The following PIK3C2G variants were observed in gnomAD, a reference collection of about 807,000 sequenced individuals.
The protein encoded by PIK3C2G is phosphatidylinositol 3-kinase C2 domain-containing subunit gamma.
A neutral mutation model predicts 181.1 loss-of-function variants in PIK3C2G; 168 were observed. That is an observed-to-expected ratio of 0.93 (90% CI 0.82 to 1.05). The LOEUF (loss-of-function observed/expected upper bound fraction) is 1.05. Ranked by LOEUF, PIK3C2G falls within the 50% of genes least tolerant of loss-of-function variation. The probability of loss-of-function intolerance (pLI) is 0.00; values close to 1 mark genes in which losing one functional copy is unlikely to be tolerated. For missense variants in PIK3C2G, 1,869 were observed against 1,732.8 expected (o/e 1.08, Z -1.40); for synonymous variants, 573 against 592.2 (o/e 0.97, Z 0.47).
chr12:18,605,378 T>C (rs763807635), intron 30 of PIK3C2G, among the ~76,000 whole-genome samples: 22 of 152,062 alleles, frequency 1.4e-4, no homozygotes, highest in Admixed American at 6.6e-5. Context: ...AGCAGTGAGA[T>C]TAAAATGGTA....
intron 8 of PIK3C2G, among the ~76,000 whole-genome samples, chr12:18,332,992 C>G (rs1299515063): frequency 6.6e-6 from 1 of 152,088 alleles, no homozygotes; most frequent in Non-Finnish European, 1.5e-5. Context: ...CCTGATATTC[C>G]AAACTGACAT....
intron 31 of PIK3C2G, among the ~76,000 whole-genome samples, chr12:18,629,140 C>T (rs1949233459): frequency 6.6e-6 from 1 of 152,178 alleles, no homozygotes; most frequent in Non-Finnish European, 1.5e-5. Context: ...CCATGGGTCA[C>T]CATACGATGC....
intron 16 of PIK3C2G, among the ~76,000 whole-genome samples, chr12:18,405,171 A>T (rs1170912725): frequency 6.6e-6 from 1 of 152,190 alleles, no homozygotes. Context: ...TCACATTTTT[A>T]AAAACCCATG....
Position 18,563,492 on chromosome 12 carries a change from T to TC in PIK3C2G, c.3899dup (p.Glu1301ArgfsTer34). 6.2e-7 allele frequency: 1 copy of TC among 1,613,754 alleles called. No individual in the cohort carries two copies. Among genetic ancestry groups the TC allele is most frequent in the Non-Finnish European group, 8.5e-7 (1 of 1,179,772 alleles). On this transcript the variant is annotated frameshift_variant, in exon 28 of 33. Transcript: ENST00000538779. LOFTEE classifies it high-confidence loss of function. ...CAGAAGCAGTTTGCATCACTGACTC[T>TC]CCCAGAGTAAGGCACTGTCCTTTTA...
chr12:18,681,803 T>C, the PIK3C2G span, among the ~76,000 whole-genome samples: 228 of 152,180 alleles, frequency 1.5e-3, 1 homozygote, highest in African/African-American at 5.3e-3. Flanking sequence ...ATCCTTTTTC[T>C]CTCTCATTTC....
At chr12:18,705,197 T>A in the PIK3C2G span, 1 of 1,614,070 alleles carries the variant, frequency 6.2e-7, no homozygotes, top group Non-Finnish European at 8.5e-7. Context: ...AGGAAAATCA[T>A]CAAGCATATC....
intron 18 of PIK3C2G, among the ~76,000 whole-genome samples, chr12:18,468,775 T>C (rs1488818365): frequency 6.6e-6 from 1 of 152,112 alleles, no homozygotes; most frequent in Non-Finnish European, 1.5e-5. Context: ...ATAATGACTG[T>C]AAGTGCCTCT....
chr12:18,302,108 A>T (rs541021945), intron 5 of PIK3C2G, among the ~76,000 whole-genome samples: 3 of 152,170 alleles, frequency 2.0e-5, no homozygotes, highest in Admixed American at 2.0e-4. Context: ...TGGTGGACCA[A>T]CCATGGCTGT....
At chr12:18,333,336 G>A (rs148064688) in intron 8 of PIK3C2G, among the ~76,000 whole-genome samples, 81 of 152,104 alleles carry the variant, frequency 5.3e-4, no homozygotes, top group African/African-American at 1.9e-3. Context: ...TGTGCAGAAC[G>A]TGCAGGTTTG....
Position 18,282,711 on chromosome 12 carries a change from C to T in PIK3C2G, c.630C>T (p.Gly210=). 1 of 1,612,498 alleles carries T rather than the reference C, an allele frequency of 6.2e-7. No homozygotes were observed. Among genetic ancestry groups the T allele is most frequent in the African/African-American group, 1.3e-5 (1 of 74,962 alleles). ...IVEPSLMLLK[G]SLQPGMWEST... ...AACCATCTTTGATGCTTTTGAAAGG[C>T]TCTCTTCAACCCGGAATGTGGGAAA... The change falls in exon 2 of 33, where the codon GGC becomes GGT. Residue 210 remains glycine, a synonymous_variant. Transcript: ENST00000538779.
chr12:18,612,310 C>T (rs1379557879), intron 31 of PIK3C2G, among the ~76,000 whole-genome samples: 1 of 152,100 alleles, frequency 6.6e-6, no homozygotes, highest in African/African-American at 2.4e-5. Context: ...CAGTAAAGTC[C>T]TATCTGACTC....
intron 16 of PIK3C2G, among the ~76,000 whole-genome samples, chr12:18,419,934 T>G (rs1335307333): frequency 6.6e-6 from 1 of 152,134 alleles, no homozygotes. Flanking sequence ...TTAAAGACTT[T>G]ACAGTTTTCT....
chr12:18,354,861 G>C (rs1355049014), intron 11 of PIK3C2G, among the ~76,000 whole-genome samples: 1 of 152,156 alleles, frequency 6.6e-6, no homozygotes, highest in African/African-American at 2.4e-5. Context: ...TGTGAGGGAG[G>C]GGAAGCAGGC....
chr12:18,470,451 G>A (rs78314808), intron 18 of PIK3C2G, among the ~76,000 whole-genome samples: 22,509 of 152,056 alleles, frequency 0.15, 1,930 homozygotes, highest in African/African-American at 0.22. Flanking sequence ...AGCCCCATGC[G>A]GTTAGGGCTT....
chr12:18,501,127 C>T (rs535064319), intron 22 of PIK3C2G, among the ~76,000 whole-genome samples: 1 of 152,310 alleles, frequency 6.6e-6, no homozygotes, highest in East Asian at 1.9e-4. Flanking sequence ...CGAAGGTCCG[C>T]GGCTTCATTC....
intron 29 of PIK3C2G, among the ~76,000 whole-genome samples, chr12:18,587,734 A>G (rs1243835601): frequency 1.3e-5 from 2 of 151,286 alleles, no homozygotes; most frequent in African/African-American, 4.9e-5. Context: ...AAAACCAACA[A>G]CAACAATAAC....
intron 31 of PIK3C2G, among the ~76,000 whole-genome samples, chr12:18,619,740 A>ATTTTTTTTTTTTTTTTT (rs1565569343): frequency 1.5e-5 from 1 of 67,772 alleles, no homozygotes. Context: ...GTATGATTTT[A>ATTTTTTTTTTTTTTTTT]ATTTTTTTTT....
chr12:18,420,350 T>G (rs1223531766), intron 16 of PIK3C2G, among the ~76,000 whole-genome samples: 1 of 152,138 alleles, frequency 6.6e-6, no homozygotes, highest in Non-Finnish European at 1.5e-5. Context: ...AAAAAACATT[T>G]ATTAAGTGCC....
At chr12:18,699,797 G>C in the PIK3C2G span, 1 of 1,612,728 alleles carries the variant, frequency 6.2e-7, no homozygotes, top group South Asian at 1.1e-5. Context: ...AATTTACCTC[G>C]CAATTTTGAA....
Sources: allele counts gnomAD v4.1 joint callset (sites outside exome capture counted in the v4.1 genomes callset), GRCh38; gene constraint gnomAD v4.1.1; transcripts MANE v1.5; gene names NCBI Gene and HGNC (gene_info 2026-07-23, HGNC 2026-07-21).